The following DERA variants were observed in gnomAD, a reference collection of about 807,000 sequenced individuals.
The protein encoded by DERA is 2-deoxy-D-ribose 5-phosphate aldolase.
DERA carries 15 observed loss-of-function variants against 41.1 expected under a neutral mutation model. The ratio of observed to expected loss-of-function variants is 0.37; its 90% CI spans 0.24 to 0.56. The LOEUF (loss-of-function observed/expected upper bound fraction) is 0.56. Ranked by LOEUF, DERA falls within the 20% of genes least tolerant of loss-of-function variation. The pLI is 0.81. For missense variants in DERA, 396 were observed against 403.4 expected (o/e 0.98, Z 0.16); for synonymous variants, 139 against 137.4 (o/e 1.01, Z -0.08).
At chr12:15,939,048 G>A (rs1211730650) in intron 1 of DERA, among the ~76,000 whole-genome samples, 6 of 152,150 alleles carry the variant, frequency 3.9e-5, no homozygotes, top group Non-Finnish European at 7.3e-5. Flanking sequence ...TAGAAGTGTT[G>A]CTCTACAGCT....
rs1377587456 is a variant in DERA, at chr12:15,989,250, G to T, written c.637+6814G>T. ...GTGCAGCCCTAGCCACGCCTCCCCC[G>T]CTGCAACTGGCATCCCCACGGTGGC... On this transcript the variant is annotated intron_variant, in intron 6 of 8. Transcript: ENST00000428559. This position sits in a 1 kb window ranked among gnomAD's most constrained non-coding sequence, Gnocchi z 5.2. Among the ~76,000 whole-genome samples the T allele has an allele frequency of 6.6e-6, 1 of 152,184 alleles. No homozygotes were observed. The highest frequency in any genetic ancestry group is 1.5e-5 in the Non-Finnish European group (1 of 68,026).
At chr12:15,948,198 G>C (rs553048305) in intron 1 of DERA, among the ~76,000 whole-genome samples, 1 of 152,024 alleles carries the variant, frequency 6.6e-6, no homozygotes, top group African/African-American at 2.4e-5. Context: ...TGCTCTTCTC[G>C]AGGAGTATCT....
chr12:15,951,684 G>A (rs1039486969), intron 1 of DERA, among the ~76,000 whole-genome samples: 1 of 152,138 alleles, frequency 6.6e-6, no homozygotes, highest in Non-Finnish European at 1.5e-5. Context: ...GAGAAAGTAG[G>A]AATATAATCT....
intron 5 of DERA, among the ~76,000 whole-genome samples, chr12:15,975,229 G>A (rs536570103): frequency 6.6e-6 from 1 of 152,302 alleles, no homozygotes; most frequent in East Asian, 1.9e-4. Context: ...CAACTTGGTG[G>A]GTGGAGGAAG....
chr12:15,944,166 G>T (rs971684067), intron 1 of DERA, among the ~76,000 whole-genome samples: 6 of 152,038 alleles, frequency 3.9e-5, no homozygotes, highest in African/African-American at 1.4e-4. Flanking sequence ...CTTTGCTTTT[G>T]TGAATAGTGC....
In DERA at chr12:15,960,011, A is replaced by G. The variant is rs1216035994; in HGVS notation, c.373+87A>G. 7.6e-6 allele frequency: 7 copies of G among 926,020 alleles called. No homozygotes were observed. In the East Asian group the frequency reaches 1.1e-4, roughly 14 times the overall value. 57.4% of individuals were successfully genotyped at this position (926,020 alleles called of 1,614,324 possible). ...GGGGTATTATATGTAGGTTTGTACTATGATTTAAATTAGTTTATGTATTTA... is the reference window on the plus strand; with the variant it reads ...GGGGTATTATATGTAGGTTTGTACTGTGATTTAAATTAGTTTATGTATTTA... On this transcript the variant is annotated intron_variant, in intron 4 of 8. Transcript: ENST00000428559.
Position 15,924,155 on chromosome 12 carries a change from A to G in DERA, c.31+12741A>G, listed in dbSNP as rs1254256511. Reference sequence around the variant, plus strand: ...TTAAAATTATATATGTGGTTGGGTTAGGTGGCTTATGCCTGTAATCCTAAC... The same window carrying G: ...TTAAAATTATATATGTGGTTGGGTTGGGTGGCTTATGCCTGTAATCCTAAC... On this transcript the variant is annotated intron_variant, in intron 1 of 8. Coordinates refer to ENST00000428559, the MANE Select transcript of DERA (RefSeq NM_015954.4). This position sits in a 1 kb window ranked among gnomAD's most constrained non-coding sequence, Gnocchi z 5.0. Among the ~76,000 whole-genome samples, 4 of 152,188 alleles carry G rather than the reference A, an allele frequency of 2.6e-5. No individual in the cohort carries two copies. Among genetic ancestry groups the G allele is most frequent in the African/African-American group, 9.7e-5 (4 of 41,440 alleles).
In DERA at chr12:15,959,734, A is replaced by G. The variant is rs896926542; in HGVS notation, c.278-95A>G. On this transcript the variant is annotated intron_variant, in intron 3 of 8. Coordinates refer to ENST00000428559, the MANE Select transcript of DERA (RefSeq NM_015954.4). The surrounding 1 kb of genome is among the most constrained non-coding windows in gnomAD (Gnocchi z 4.5). Reference sequence around the variant, plus strand: ...GGGGGAATTATTTTTTTCTCATTTGATTTTTGCCAGTGTTGCGATATAAAT... The same window carrying G: ...GGGGGAATTATTTTTTTCTCATTTGGTTTTTGCCAGTGTTGCGATATAAAT... 7.6e-5 allele frequency: 58 copies of G among 758,334 alleles called. No individual in the cohort carries two copies. The highest frequency in any genetic ancestry group is 1.1e-4 in the Non-Finnish European group (50 of 475,918). The allele number at this position is 758,334 out of a possible 1,614,324, so 47.0% of individuals were successfully genotyped here. A position where few individuals can be genotyped will look rare whatever the true frequency, so the allele number is the denominator to read the frequency against.
chr12:16,029,254 C>G (rs912999447), intron 6 of DERA, among the ~76,000 whole-genome samples: 2 of 152,022 alleles, frequency 1.3e-5, no homozygotes, highest in Non-Finnish European at 2.9e-5. Flanking sequence ...AACCCGGTCT[C>G]TACTAAAAAA....
intron 3 of DERA, among the ~76,000 whole-genome samples, chr12:15,958,948 G>T (rs550918795): frequency 1.3e-5 from 2 of 152,278 alleles, no homozygotes; most frequent in South Asian, 2.1e-4. Flanking sequence ...GACCTGGAAG[G>T]CTAAGCGGCA....
rs11056746 is a variant in DERA at position 15,976,185 on chromosome 12, C to T, written c.509-6123C>T. Among the ~76,000 whole-genome samples the T allele has an allele frequency of 0.62, 94,760 of 152,010 alleles. 29,895 individuals carry two copies. The highest frequency in any genetic ancestry group is 0.82 in the East Asian group (4,254 of 5,176). On this transcript the variant is annotated intron_variant, in intron 5 of 8. Coordinates refer to ENST00000428559, the MANE Select transcript of DERA (RefSeq NM_015954.4). The surrounding 1 kb of genome is among the most constrained non-coding windows in gnomAD (Gnocchi z 4.1). ...CCTTCCATATTTATACCCCTTCTTC[C>T]CGTCAGTGAGATATCTTGCTCCCAT...
rs990018764 is a variant in DERA at position 16,019,956 on chromosome 12, C to A, written c.638-12586C>A. Among the ~76,000 whole-genome samples the A allele has an allele frequency of 1.3e-5, 2 of 152,068 alleles. No homozygotes were observed. Among genetic ancestry groups the A allele is most frequent in the Non-Finnish European group, 2.9e-5 (2 of 68,024 alleles). ...CCTTTTGGTGATGAGTGATTTCTTG[C>A]TCTGAGCTCACATGAGATCTGGTTT... On this transcript the variant is annotated intron_variant, in intron 6 of 8. Transcript: ENST00000428559. The surrounding 1 kb of genome is among the most constrained non-coding windows in gnomAD (Gnocchi z 4.4).
intron 5 of DERA, among the ~76,000 whole-genome samples, chr12:15,980,550 C>T (rs767373623): frequency 3.3e-5 from 5 of 151,158 alleles, no homozygotes; most frequent in Non-Finnish European, 5.9e-5. Flanking sequence ...TTTTTTTTCG[C>T]TCCATAGTCT....
At chr12:16,028,541 A>C (rs1437512827) in intron 6 of DERA, among the ~76,000 whole-genome samples, 1 of 152,218 alleles carries the variant, frequency 6.6e-6, no homozygotes, top group African/African-American at 2.4e-5. Flanking sequence ...GGATACCCAT[A>C]ATGACTTCTT....
At chr12:15,917,135 A>G (rs1033081813) in intron 1 of DERA, among the ~76,000 whole-genome samples, 8 of 152,182 alleles carry the variant, frequency 5.3e-5, no homozygotes, top group African/African-American at 1.7e-4. Flanking sequence ...CAAAGTCCCC[A>G]TATTTCTTTT....
intron 1 of DERA, among the ~76,000 whole-genome samples, chr12:15,917,376 A>C (rs1948208276): frequency 6.6e-6 from 1 of 152,172 alleles, no homozygotes; most frequent in African/African-American, 2.4e-5. Flanking sequence ...AATAAAATTG[A>C]TTTGTGTAAT....
rs892224158 is a variant in DERA at position 16,010,744 on chromosome 12, C to T, written c.638-21798C>T. 6.6e-6 allele frequency among the ~76,000 whole-genome samples: 1 copy of T among 151,998 alleles called. No homozygotes were observed. The highest frequency in any genetic ancestry group is 1.9e-4 in the East Asian group (1 of 5,156). Reference sequence around the variant, plus strand: ...TTCCATTCAGGGCTGTTTGAAAGTTCACCTGTCTATGGATCTGCTAATGGG... The same window carrying T: ...TTCCATTCAGGGCTGTTTGAAAGTTTACCTGTCTATGGATCTGCTAATGGG... On this transcript the variant is annotated intron_variant, in intron 6 of 8. Transcript: ENST00000428559. The surrounding 1 kb of genome is among the most constrained non-coding windows in gnomAD (Gnocchi z 5.5).
rs1190500012 is a variant in DERA, at chr12:16,012,779, A to T, written c.638-19763A>T. 6.6e-6 allele frequency among the ~76,000 whole-genome samples: 1 copy of T among 152,226 alleles called. No individual in the cohort carries two copies. Among genetic ancestry groups the T allele is most frequent in the Non-Finnish European group, 1.5e-5 (1 of 68,046 alleles). On this transcript the variant is annotated intron_variant, in intron 6 of 8. Coordinates refer to ENST00000428559, the MANE Select transcript of DERA (RefSeq NM_015954.4). The surrounding 1 kb of genome is among the most constrained non-coding windows in gnomAD (Gnocchi z 4.1). ...GCTCTGTAAAAATGCTGTTGAACAG[A>T]TATATTTAATTTAAAAATTTTTAAT... is the stretch of plus-strand genomic sequence containing the variant.
At chr12:15,917,050 C>T (rs890679740) in intron 1 of DERA, among the ~76,000 whole-genome samples, 9 of 152,260 alleles carry the variant, frequency 5.9e-5, no homozygotes, top group Non-Finnish European at 5.9e-5. Context: ...GAACTGGAAT[C>T]TCTTTAGCTG....
Sources: gnomAD v4.1 joint callset for allele counts (sites outside exome capture counted in the v4.1 genomes callset) on GRCh38, gnomAD v4.1.1 for gene constraint, Gnocchi (gnomAD v3.1) non-coding constraint, MANE v1.5 for transcripts, NCBI Gene and HGNC (gene_info 2026-07-23, HGNC 2026-07-21) for gene names.